CTNNB1: variants seen among roughly 807,000 people sequenced by gnomAD.
The protein encoded by CTNNB1 is catenin beta 1, also known as catenin beta-1.
CTNNB1 carries 6 observed loss-of-function variants against 82.5 expected under a neutral mutation model. That is an observed-to-expected ratio of 0.07 (90% CI 0.04 to 0.14). CTNNB1 has a LOEUF of 0.14. CTNNB1 is among the 10% of genes least tolerant of loss of function. The pLI, the probability that CTNNB1 is intolerant of heterozygous loss-of-function variation, is 1.00. For missense variants in CTNNB1, 529 were observed against 980.4 expected (o/e 0.54, Z 6.15); for synonymous variants, 312 against 329.7 (o/e 0.95, Z 0.58).
chr3:41,237,444 C>CACAAAA (rs2078462665), intron 13 of CTNNB1: 1 of 18,982 alleles, frequency 5.3e-5, no homozygotes, highest in Non-Finnish European at 1.2e-4. Flanking sequence ...CAGACTCCAA[C>CACAAAA]ACAAAAAAAA....
At position 41,239,921 on chromosome 3, in the gene CTNNB1, ATTT is replaced by A. The variant is rs34653633; in HGVS notation, c.*596_*598del. ...ATCAAACCCTAGCCTTGCTTGTTAA[ATTT>A]TTTTTTTTTTTTTTTTAAGAATATC... On this transcript the variant is annotated 3_prime_UTR_variant, in exon 15 of 15. Coordinates refer to ENST00000349496, the MANE Select transcript of CTNNB1 (RefSeq NM_001904.4). 4.4e-5 allele frequency: 7 copies of A among 158,832 alleles called. No homozygotes were observed. The highest frequency in any genetic ancestry group is 8.8e-5 in the African/African-American group (3 of 34,218). The allele number at this position is 158,832 out of a possible 1,614,324, so 9.8% of individuals were successfully genotyped here.
chr3:41,222,568 ACTTG>A (rs1388201440), intron 1 of CTNNB1, among the ~76,000 whole-genome samples: 3 of 152,240 alleles, frequency 2.0e-5, no homozygotes, highest in African/African-American at 7.2e-5. Flanking sequence ...TGGAACATGA[ACTTG>A]CTTTTTTCCA....
At chr3:41,203,367 T>C (rs571393367) in intron 1 of CTNNB1, among the ~76,000 whole-genome samples, 1 of 152,290 alleles carries the variant, frequency 6.6e-6, no homozygotes, top group African/African-American at 2.4e-5. Flanking sequence ...TCAGCCAATA[T>C]TTGCAGTAGA....
At chr3:41,200,154 C>T (rs2077492864) in intron 1 of CTNNB1, 1 of 152,226 alleles carries the variant, frequency 6.6e-6, no homozygotes, top group Admixed American at 6.5e-5. Flanking sequence ...CCCTAAGTCC[C>T]ATCAGTCCTG....
At position 41,239,632 on chromosome 3, in the gene CTNNB1, T is replaced by TAATA. The variant is rs2078526991; in HGVS notation, c.*291_*294dup. 1 of 485,054 alleles carries TAATA rather than the reference T, an allele frequency of 2.1e-6. No individual in the cohort carries two copies. The highest frequency in any genetic ancestry group is 3.8e-6 in the Non-Finnish European group (1 of 263,930). 30.0% of individuals were successfully genotyped at this position (485,054 alleles called of 1,614,324 possible). On this transcript the variant is annotated 3_prime_UTR_variant, in exon 15 of 15. Transcript: ENST00000349496. ...GAGTAACATTTGCTGTTTTAAACATTAATAGCAGCCTTTCTCTCTTTATAC... is the reference window on the plus strand; with the variant it reads ...GAGTAACATTTGCTGTTTTAAACATTAATAAATAGCAGCCTTTCTCTCTTTATAC...
chr3:41,240,360 G>GTTGT lies in CTNNB1; in HGVS notation c.*1020_*1023dup. Reference sequence around the variant, plus strand: ...TTTACCAGTTGCCTTTTATCCCAAAGTTGTTGTAACCTGCTGTGATACGAT... The same window carrying GTTGT: ...TTTACCAGTTGCCTTTTATCCCAAAGTTGTTTGTTGTAACCTGCTGTGATACGAT... On this transcript the variant is annotated 3_prime_UTR_variant, in exon 15 of 15. Coordinates refer to ENST00000349496, the MANE Select transcript of CTNNB1 (RefSeq NM_001904.4). 5.3e-6 allele frequency: 1 copy of GTTGT among 187,646 alleles called. No homozygotes were observed. The highest frequency in any genetic ancestry group is 1.1e-5 in the Non-Finnish European group (1 of 88,798). 11.6% of individuals were successfully genotyped at this position (187,646 alleles called of 1,614,324 possible).
At chr3:41,213,127 G>A (rs551839693) in intron 1 of CTNNB1, among the ~76,000 whole-genome samples, 2 of 152,300 alleles carry the variant, frequency 1.3e-5, no homozygotes, top group East Asian at 1.9e-4. Context: ...AGAGCTCTAC[G>A]TGATCTGGCT....
intron 10 of CTNNB1, chr3:41,235,511 T>C: frequency 3.3e-6 from 2 of 612,970 alleles, no homozygotes; most frequent in Non-Finnish European, 5.8e-6. Context: ...TCTGTTGCAC[T>C]GTGTATGGGG....
intron 1 of CTNNB1, among the ~76,000 whole-genome samples, chr3:41,213,571 G>C (rs1225029418): frequency 6.6e-6 from 1 of 152,166 alleles, no homozygotes; most frequent in African/African-American, 2.4e-5. Context: ...AATATTTGTT[G>C]AATGAAAGTC....
At position 41,203,902 on chromosome 3, in the gene CTNNB1, A is replaced by C. The variant is rs561284018; in HGVS notation, c.-49+4232A>C. Among the ~76,000 whole-genome samples, 5 of 152,306 alleles carry C rather than the reference A, an allele frequency of 3.3e-5. No homozygotes were observed. In the East Asian group the frequency reaches 7.7e-4, roughly 23 times the overall value. ...GGAAGTTAAACGGTCAGCATATGGA[A>C]ATTTTTCAGGGTTTAGATTTTTAAA... On this transcript the variant is annotated intron_variant, in intron 1 of 14. Transcript: ENST00000349496.
intron 1 of CTNNB1, among the ~76,000 whole-genome samples, chr3:41,204,514 C>G (rs1452614515): frequency 6.6e-6 from 1 of 152,118 alleles, no homozygotes; most frequent in Non-Finnish European, 1.5e-5. Flanking sequence ...TCTCCAGGGC[C>G]AGTTAGGTAT....
At chr3:41,238,995 G>A in intron 14 of CTNNB1, 139 bp from the exon 15 acceptor site, 1 of 753,734 alleles carries the variant, frequency 1.3e-6, no homozygotes, top group Non-Finnish European at 2.3e-6. Context: ...GGTTGAAGAG[G>A]CTAGAAAGCG....
intron 1 of CTNNB1, among the ~76,000 whole-genome samples, chr3:41,202,804 A>G (rs1305424157): frequency 6.6e-6 from 1 of 152,160 alleles, no homozygotes; most frequent in Non-Finnish European, 1.5e-5. Context: ...ATAGTTTTTC[A>G]TCACTTAAAC....
At chr3:41,237,794 G>T in intron 13 of CTNNB1, 3 of 487,348 alleles carry the variant, frequency 6.2e-6, no homozygotes, top group Non-Finnish European at 1.1e-5. Context: ...TTTGTTGAAA[G>T]AACAAGTCAG....
intron 1 of CTNNB1, among the ~76,000 whole-genome samples, chr3:41,218,404 C>T (rs2077961835): frequency 6.6e-6 from 1 of 152,050 alleles, no homozygotes; most frequent in African/African-American, 2.4e-5. Context: ...TATAGTTCTT[C>T]TTAAATCAAG....
intron 1 of CTNNB1, among the ~76,000 whole-genome samples, chr3:41,209,465 A>G (rs982609948): frequency 6.6e-6 from 1 of 152,184 alleles, no homozygotes; most frequent in African/African-American, 2.4e-5. Flanking sequence ...TTCTTGACTC[A>G]TCTTTCTCTC....
At chr3:41,237,446 C>CAAAAAAAAAAAAAAAAAA (rs3038134) in intron 13 of CTNNB1, 4 of 65,262 alleles carry the variant, frequency 6.1e-5, no homozygotes, top group African/African-American at 1.3e-4. Flanking sequence ...GACTCCAACA[C>CAAAAAAAAAAAAAAAAAA]AAAAAAAAAA....
At chr3:41,228,880 C>A (rs926646554) in intron 7 of CTNNB1, among the ~76,000 whole-genome samples, 2 of 152,170 alleles carry the variant, frequency 1.3e-5, no homozygotes, top group African/African-American at 2.4e-5. Flanking sequence ...AGTCTTTAAT[C>A]CATTCTGAGT....
intron 1 of CTNNB1, among the ~76,000 whole-genome samples, chr3:41,209,810 A>G (rs146866903): frequency 5.1e-4 from 78 of 152,360 alleles, no homozygotes; most frequent in African/African-American, 1.7e-3. Context: ...GGCAGTTGTG[A>G]TGAATGGAGC....
Sources: gnomAD v4.1 joint callset for allele counts (sites outside exome capture counted in the v4.1 genomes callset) on GRCh38, gnomAD v4.1.1 for gene constraint, MANE v1.5 for transcripts, NCBI Gene and HGNC (gene_info 2026-07-23, HGNC 2026-07-21) for gene names.